Variants in FGD5 observed in about 807,000 individuals in gnomAD.
FGD5 encodes the protein FYVE, RhoGEF and PH domain containing 5.
FGD5 carries 28 observed loss-of-function variants against 133.4 expected under a neutral mutation model. The ratio of observed to expected loss-of-function variants is 0.21; its 90% CI spans 0.16 to 0.29. The LOEUF (loss-of-function observed/expected upper bound fraction) is 0.29. FGD5 is among the 10% of genes least tolerant of loss of function. The probability of loss-of-function intolerance (pLI) is 1.00; values close to 1 mark genes in which losing one functional copy is unlikely to be tolerated. For missense variants in FGD5, 1,858 were observed against 1,895.2 expected (o/e 0.98, Z 0.36); for synonymous variants, 810 against 776.5 (o/e 1.04, Z -0.72).
At chr3:14,811,996 C>T (rs974650767) in intron 1 of FGD5, among the ~76,000 whole-genome samples, 2 of 143,684 alleles carry the variant, frequency 1.4e-5, no homozygotes, top group African/African-American at 5.4e-5. Flanking sequence ...GAACCATATC[C>T]TGCTGGTGTG....
intron 18 of FGD5, chr3:14,931,517 C>T (rs879568212): frequency 3.9e-5 from 6 of 152,160 alleles, no homozygotes; most frequent in Non-Finnish European, 5.9e-5. Context: ...AAACCGTACT[C>T]CCCTTCTTCT....
chr3:14,894,505 C>CTTTT (rs55912541), intron 4 of FGD5, among the ~76,000 whole-genome samples: 1 of 127,222 alleles, frequency 7.9e-6, no homozygotes, highest in Non-Finnish European at 1.7e-5. Flanking sequence ...TTTGTTAGTT[C>CTTTT]TTTTTTTTTT....
At chr3:14,927,794 G>C (rs1409468310) in intron 18 of FGD5, among the ~76,000 whole-genome samples, 1 of 152,090 alleles carries the variant, frequency 6.6e-6, no homozygotes, top group East Asian at 1.9e-4. Context: ...ACAGGGTCTT[G>C]CTTCGTTGTC....
At chr3:14,870,616 GC>G (rs1256435073) in intron 2 of FGD5, among the ~76,000 whole-genome samples, 1 of 152,080 alleles carries the variant, frequency 6.6e-6, no homozygotes, top group Non-Finnish European at 1.5e-5. Context: ...AGGCTCCACC[GC>G]CCCCAGACCC....
chr3:14,918,727 T>G, intron 12 of FGD5, 27 bp from the exon 13 acceptor site: 69 of 1,455,972 alleles, frequency 4.7e-5, no homozygotes, highest in Non-Finnish European at 5.7e-5. Flanking sequence ...TGCCCCACCC[T>G]GAAGGAGGCT....
intron 4 of FGD5, 112 bp from the exon 5 acceptor site, chr3:14,897,381 ACACTGGCTTAAGTCCT>A (rs2038157475): frequency 7.4e-6 from 8 of 1,079,000 alleles, no homozygotes; most frequent in Non-Finnish European, 1.1e-5. Flanking sequence ...GGGTCTGGAG[ACACTGGCTTAAGTCCT>A]CACTGCTGTC....
upstream of FGD5, among the ~76,000 whole-genome samples, chr3:14,814,730 C>A (rs2036344079): frequency 6.6e-6 from 1 of 152,160 alleles, no homozygotes. Context: ...TGCTTGACAT[C>A]TCCACCAGGG....
chr3:14,878,420 A>AT (rs887810131), intron 2 of FGD5, among the ~76,000 whole-genome samples: 11 of 151,598 alleles, frequency 7.3e-5, no homozygotes, highest in African/African-American at 2.4e-4. Flanking sequence ...GATTCTATAA[A>AT]TTTTTTTTTC....
chr3:14,820,111 A>G lies in FGD5; in HGVS notation c.1040A>G (p.Tyr347Cys), dbSNP rs1398808613. 5.0e-6 allele frequency: 8 copies of G among 1,613,928 alleles called. No individual in the cohort carries two copies. Among genetic ancestry groups the G allele is most frequent in the African/African-American group, 2.7e-5 (2 of 74,934 alleles). Residue 347 changes from tyrosine (Y) to cysteine (C), a missense_variant, in exon 1 of 20, where the codon TAT becomes TGT. Tyr to Cys is a radical substitution (Grantham distance 194, BLOSUM62 -2). Transcript: ENST00000285046. ...GTGACTTCCCTCACAGGAAGCCCCT[A>G]TGAGTTCTTCCCAACTGAGAGCACC... Reference protein sequence around the residue: ...DFVTSLTGSPYEFFPTESTSF... With the variant: ...DFVTSLTGSPCEFFPTESTSF...
rs1455455946 is a variant in FGD5, at chr3:14,897,506, C to T, written c.2749-3C>T. ...GTGGGTAACAGACCTTTTGGTGTTT[C>T]AGGATTTCCATGGAGCTGTCATGAG... On this transcript the variant is annotated splice_region_variant and splice_polypyrimidine_tract_variant and intron_variant, in intron 4 of 19. Transcript: ENST00000285046. 6.2e-7 allele frequency: 1 copy of T among 1,602,832 alleles called. No homozygotes were observed. Among genetic ancestry groups the T allele is most frequent in the South Asian group, 1.1e-5 (1 of 88,454 alleles).
At chr3:14,909,830 A>G (rs36118970) in intron 10 of FGD5, among the ~76,000 whole-genome samples, 2,703 of 145,148 alleles carry the variant, frequency 0.019, 39 homozygotes, top group Non-Finnish European at 0.03. Context: ...TTCAGTGGCT[A>G]TCTAGACTCA....
At chr3:14,848,389 CT>C (rs11310482) in intron 1 of FGD5, among the ~76,000 whole-genome samples, 102,139 of 151,794 alleles carry the variant, frequency 0.67, 34,649 homozygotes, top group African/African-American at 0.74. Context: ...ATCCTTCCCC[CT>C]GGCCCTCACT....
chr3:14,893,752 C>CTTTTTTTTTTTTTTTTTTTTTT (rs138741627), intron 4 of FGD5, among the ~76,000 whole-genome samples: 17 of 95,054 alleles, frequency 1.8e-4, no homozygotes, highest in South Asian at 3.7e-4. Context: ...TTTCTTTTTT[C>CTTTTTTTTTTTTTTTTTTTTTT]TTTTTTTTTT....
At chr3:14,844,262 AT>A (rs1186999018) in intron 1 of FGD5, among the ~76,000 whole-genome samples, 5 of 81,458 alleles carry the variant, frequency 6.1e-5, no homozygotes, top group South Asian at 4.5e-4. Flanking sequence ...ATATATATAT[AT>A]ATATATATAA....
Position 14,864,175 on chromosome 3 carries a change from C to G in FGD5, c.2573C>G (p.Pro858Arg), listed in dbSNP as rs2037451696. Residue 858 changes from proline (P) to arginine (R), a missense_variant, in exon 2 of 20, where the codon CCC becomes CGC. Physicochemically the swap from Pro to Arg is moderately radical, Grantham distance 103. Transcript: ENST00000285046. ...YKVCPISSAA[P>R]KEDLTSDEEQ... ...GTCTGTCCCATCTCGTCGGCAGCCC[C>G]CAAAGAGGACCTTACGTCGGATGAA... 1.2e-6 allele frequency: 2 copies of G among 1,613,866 alleles called. No homozygotes were observed. Among genetic ancestry groups the G allele is most frequent in the Non-Finnish European group, 1.7e-6 (2 of 1,179,898 alleles).
upstream of FGD5, among the ~76,000 whole-genome samples, chr3:14,814,894 T>C (rs1231312527): frequency 6.6e-6 from 1 of 152,172 alleles, no homozygotes; most frequent in Non-Finnish European, 1.5e-5. Flanking sequence ...TCTTGACTTT[T>C]CTCTTTCTTT....
intron 2 of FGD5, among the ~76,000 whole-genome samples, chr3:14,873,232 A>C (rs1013569228): frequency 2.0e-5 from 3 of 152,056 alleles, no homozygotes; most frequent in African/African-American, 7.2e-5. Context: ...CTTGATCAAG[A>C]GGGGGCTTGT....
At position 14,922,789 on chromosome 3, in the gene FGD5, G is replaced by A. The variant is rs7644443; in HGVS notation, c.3807+241G>A. On this transcript the variant is annotated intron_variant, in intron 15 of 19. Transcript: ENST00000285046. This position sits in a 1 kb window ranked among gnomAD's most constrained non-coding sequence, Gnocchi z 4.1. ...TTTTCAACAGAAAACCGTAGCATACGTGGCTATTGTGCTTGGAGAAAAAAG... is the reference window on the plus strand; with the variant it reads ...TTTTCAACAGAAAACCGTAGCATACATGGCTATTGTGCTTGGAGAAAAAAG... Among the ~76,000 whole-genome samples, 41,896 of 152,092 alleles carry A rather than the reference G, an allele frequency of 0.28. 7,952 individuals are homozygous for A. Among genetic ancestry groups the A allele is most frequent in the African/African-American group, 0.54 (22,395 of 41,434 alleles).
chr3:14,933,327 C>A lies in FGD5; in HGVS notation c.*160C>A. 1 of 716,596 alleles carries A rather than the reference C, an allele frequency of 1.4e-6. No homozygotes were observed. The highest frequency in any genetic ancestry group is 2.4e-6 in the Non-Finnish European group (1 of 408,606). The allele number at this position is 716,596 out of a possible 1,614,324, so 44.4% of individuals were successfully genotyped here. ...CGCCCCACCACTCCCCTGCCCTTGC[C>A]AACATCTTCATGAATGGAATCCTTA... On this transcript the variant is annotated 3_prime_UTR_variant, in exon 20 of 20. Coordinates refer to ENST00000285046, the MANE Select transcript of FGD5 (RefSeq NM_152536.4).
Sources: gnomAD v4.1 joint callset for allele counts (sites outside exome capture counted in the v4.1 genomes callset) on GRCh38, gnomAD v4.1.1 for gene constraint, Gnocchi (gnomAD v3.1) non-coding constraint, MANE v1.5 for transcripts, NCBI Gene and HGNC (gene_info 2026-07-23, HGNC 2026-07-21) for gene names.